Variants in PTPRA observed in about 807,000 individuals in gnomAD.
PTPRA encodes the protein receptor-type tyrosine-protein phosphatase alpha.
In PTPRA, 25 loss-of-function variants were observed where a neutral mutation model predicts 104.8. That is an observed-to-expected ratio of 0.24 (90% CI 0.17 to 0.33). The LOEUF is 0.33. Among genes scored for constraint, PTPRA ranks in the 10% least tolerant of loss-of-function variants. PTPRA has a pLI of 1.00. For synonymous variants in PTPRA, 323 were observed against 368.9 expected, an observed-to-expected ratio of 0.88 and a Z score of 1.43; for missense variants, 765 against 1,015.3, an observed-to-expected ratio of 0.75 and a Z score of 3.35.
chr20:3,037,385 G>T lies in PTPRA; in HGVS notation c.2334+96G>T. On this transcript the variant is annotated intron_variant, in intron 23 of 23. Transcript: ENST00000399903. The surrounding 1 kb of genome is among the most constrained non-coding windows in gnomAD (Gnocchi z 4.3). ...AGAGGGGCCCACCCAGTAGTCAGAA[G>T]ACTGTCTAAACACAGACCTGCCCTT... 1 of 1,547,804 alleles carries T rather than the reference G, an allele frequency of 6.5e-7. No individual in the cohort carries two copies. The highest frequency in any genetic ancestry group is 8.7e-7 in the Non-Finnish European group (1 of 1,148,942).
At chr20:2,980,469 G>A (rs1032927940) in intron 6 of PTPRA, among the ~76,000 whole-genome samples, 2 of 151,916 alleles carry the variant, frequency 1.3e-5, no homozygotes, top group African/African-American at 2.4e-5. Context: ...TGTGAGGATC[G>A]CTCGAACCAG....
chr20:2,943,268 A>C (rs1165386990), intron 2 of PTPRA, among the ~76,000 whole-genome samples: 1 of 131,258 alleles, frequency 7.6e-6, no homozygotes, highest in African/African-American at 2.9e-5. Context: ...TATGCTTATT[A>C]TATTAAATAT....
At position 2,950,885 on chromosome 20, in the gene PTPRA, C is replaced by T. The variant is rs1237373463; in HGVS notation, c.-7+2861C>T. Among the ~76,000 whole-genome samples, 1 of 152,004 alleles carries T rather than the reference C, an allele frequency of 6.6e-6. No homozygotes were observed. Among genetic ancestry groups the T allele is most frequent in the Non-Finnish European group, 1.5e-5 (1 of 67,994 alleles). On this transcript the variant is annotated intron_variant, in intron 3 of 23. Transcript: ENST00000399903. This position sits in a 1 kb window ranked among gnomAD's most constrained non-coding sequence, Gnocchi z 4.0. ...ATCCATGTATATAGCAGGGAAATAT[C>T]ACCACAACAAGAGTGTGAACATATA...
chr20:2,921,573 T>C (rs1280683171), intron 1 of PTPRA, among the ~76,000 whole-genome samples: 2 of 152,180 alleles, frequency 1.3e-5, no homozygotes, highest in Non-Finnish European at 2.9e-5. Flanking sequence ...GGACTCTTTT[T>C]TCCCCCCAGT....
intron 13 of PTPRA, among the ~76,000 whole-genome samples, chr20:3,019,610 G>C (rs2148413745): frequency 6.7e-6 from 1 of 148,330 alleles, no homozygotes; most frequent in Non-Finnish European, 1.5e-5. Context: ...AGGCAGAGGG[G>C]CTCCTCACAT....
rs2060892500 is a variant in PTPRA, at chr20:2,941,004, T to C, written c.-49-6978T>C. Among the ~76,000 whole-genome samples, 3 of 152,054 alleles carry C rather than the reference T, an allele frequency of 2.0e-5. No individual in the cohort carries two copies. The South Asian group carries it at 6.2e-4, about 31-fold the overall frequency. On this transcript the variant is annotated intron_variant, in intron 2 of 23. Coordinates refer to ENST00000399903, the MANE Select transcript of PTPRA (RefSeq NM_001385305.1). ...TATTTCTCTCACAAAACGTGTTCTT[T>C]TCTTCTGGTTTTTTTTTGGGGGTTT...
At chr20:2,974,784 T>C (rs1393284440) in intron 5 of PTPRA, among the ~76,000 whole-genome samples, 1 of 152,230 alleles carries the variant, frequency 6.6e-6, no homozygotes, top group Non-Finnish European at 1.5e-5. Context: ...CTTTCTACTG[T>C]TGGGGTTTAT....
At chr20:2,962,483 A>G (rs188452110) in intron 3 of PTPRA, among the ~76,000 whole-genome samples, 1 of 152,338 alleles carries the variant, frequency 6.6e-6, no homozygotes, top group Admixed American at 6.5e-5. Context: ...TATTTTTCCC[A>G]AAACCATTTT....
At chr20:2,956,744 T>A (rs1207129024) in intron 3 of PTPRA, among the ~76,000 whole-genome samples, 1 of 152,174 alleles carries the variant, frequency 6.6e-6, no homozygotes, top group East Asian at 1.9e-4. Context: ...TTGATAGACG[T>A]TAAGGGTATT....
At chr20:2,949,806 C>T (rs555310960) in intron 3 of PTPRA, among the ~76,000 whole-genome samples, 1 of 151,468 alleles carries the variant, frequency 6.6e-6, no homozygotes, top group East Asian at 1.9e-4. Flanking sequence ...ATCTTGAATT[C>T]ATATGTTTTT....
chr20:2,965,625 C>G (rs978840103), intron 5 of PTPRA, among the ~76,000 whole-genome samples: 1 of 151,396 alleles, frequency 6.6e-6, no homozygotes, highest in South Asian at 2.1e-4. Context: ...ATGTGAGATA[C>G]AGAGAATGAG....
At chr20:2,894,785 G>A (rs1364376920) in intron 1 of PTPRA, among the ~76,000 whole-genome samples, 2 of 152,008 alleles carry the variant, frequency 1.3e-5, no homozygotes, top group Non-Finnish European at 2.9e-5. Flanking sequence ...AGGAGATCAA[G>A]ACCATCTTGG....
the PTPRA span, chr20:2,864,960 T>G: frequency 2.2e-5 from 35 of 1,614,002 alleles, no homozygotes; most frequent in Non-Finnish European, 2.8e-5. The surrounding 1 kb of genome is among the most constrained non-coding windows in gnomAD (Gnocchi z 5.2). Flanking sequence ...GTTCAGGCCT[T>G]CCTTCTTGTC....
intron 1 of PTPRA, among the ~76,000 whole-genome samples, chr20:2,881,618 C>T (rs916886126): frequency 1.3e-5 from 2 of 152,122 alleles, no homozygotes; most frequent in Non-Finnish European, 2.9e-5. Flanking sequence ...TGGGCTCAAG[C>T]GATCTTCCCA....
chr20:2,904,404 C>T lies in PTPRA; in HGVS notation c.-128-18803C>T, dbSNP rs142321529. 2.5e-3 allele frequency among the ~76,000 whole-genome samples: 373 copies of T among 152,140 alleles called. 2 individuals are homozygous for T. The South Asian group carries it at 0.026, about 11-fold the overall frequency. ...ATAAAATGCTGGCCAGGCGCGGTGG[C>T]TCATGCCTATAATCCCAGCACTTTG... On this transcript the variant is annotated intron_variant, in intron 1 of 23. Coordinates refer to ENST00000399903, the MANE Select transcript of PTPRA (RefSeq NM_001385305.1).
intron 16 of PTPRA, among the ~76,000 whole-genome samples, chr20:3,023,415 C>T (rs917690972): frequency 3.3e-5 from 5 of 152,136 alleles, no homozygotes; most frequent in Admixed American, 2.6e-4. Flanking sequence ...CTGCTCGTCC[C>T]TGGGAATGGA....
intron 1 of PTPRA, among the ~76,000 whole-genome samples, chr20:2,900,718 G>C (rs1053933017): frequency 2.6e-5 from 4 of 151,652 alleles, no homozygotes; most frequent in East Asian, 2.0e-4. Context: ...TTAGCTGGGC[G>C]TGGTGGCAGG....
At chr20:2,887,053 G>A (rs1227661688) in intron 1 of PTPRA, among the ~76,000 whole-genome samples, 1 of 151,870 alleles carries the variant, frequency 6.6e-6, no homozygotes, top group East Asian at 1.9e-4. Context: ...TTGGATTCAT[G>A]TTTCTTTTTG....
At chr20:3,010,606 C>T (rs571075500) in intron 11 of PTPRA, among the ~76,000 whole-genome samples, 3 of 151,752 alleles carry the variant, frequency 2.0e-5, no homozygotes, top group Middle Eastern at 3.4e-3. Context: ...CCAGCCTGGG[C>T]GACAGAGCGA....
Sources: gnomAD v4.1 joint callset for allele counts (sites outside exome capture counted in the v4.1 genomes callset) on GRCh38, gnomAD v4.1.1 for gene constraint, Gnocchi (gnomAD v3.1) non-coding constraint, MANE v1.5 for transcripts, NCBI Gene and HGNC (gene_info 2026-07-23, HGNC 2026-07-21) for gene names.